Variants in TTC17 observed in about 807,000 individuals in gnomAD.
The protein encoded by TTC17 is tetratricopeptide repeat protein 17.
TTC17 carries 58 observed loss-of-function variants against 143.8 expected under a neutral mutation model. The observed-to-expected ratio is 0.40, with a 90% confidence interval of 0.33 to 0.50. The LOEUF (loss-of-function observed/expected upper bound fraction) is 0.50, where lower values mean the gene tolerates loss of function less well. TTC17 is among the 20% of genes least tolerant of loss of function. TTC17 has a pLI of 0.49. For synonymous variants in TTC17, 501 were observed against 497.8 expected (o/e 1.01, Z -0.09); for missense variants, 1,273 against 1,392.5 (o/e 0.91, Z 1.37).
intron 2 of TTC17, among the ~76,000 whole-genome samples, chr11:43,389,038 T>C (rs1159847121): frequency 3.3e-5 from 5 of 149,412 alleles, no homozygotes; most frequent in Non-Finnish European, 7.4e-5. Flanking sequence ...CTTGGGAGGC[T>C]GAGGTGAGAG....
intron 15 of TTC17, among the ~76,000 whole-genome samples, chr11:43,412,284 T>C (rs1383881304): frequency 1.3e-5 from 2 of 151,918 alleles, no homozygotes; most frequent in Non-Finnish European, 2.9e-5. Context: ...AGGAGCTCAG[T>C]ACCAGCCTGG....
chr11:43,485,089 A>G (rs1590506686), intron 21 of TTC17, among the ~76,000 whole-genome samples: 2 of 152,208 alleles, frequency 1.3e-5, no homozygotes, highest in Non-Finnish European at 1.5e-5. Context: ...CAGTGTAATA[A>G]TAATAGAAAT....
chr11:43,454,420 A>G (rs1292932170), intron 21 of TTC17, among the ~76,000 whole-genome samples: 2 of 152,188 alleles, frequency 1.3e-5, no homozygotes, highest in Non-Finnish European at 2.9e-5. Flanking sequence ...GATAGACAAT[A>G]TAGTAAAAGA....
chr11:43,484,579 T>A (rs1948347710), intron 21 of TTC17, among the ~76,000 whole-genome samples: 1 of 152,226 alleles, frequency 6.6e-6, no homozygotes, highest in Non-Finnish European at 1.5e-5. Context: ...CAGCAGGGTT[T>A]TTTTATGGCA....
intron 16 of TTC17, among the ~76,000 whole-genome samples, chr11:43,418,585 C>G (rs1946830089): frequency 6.6e-6 from 1 of 151,986 alleles, no homozygotes; most frequent in African/African-American, 2.4e-5. Flanking sequence ...AAAATAGAAT[C>G]TGTTAAATAA....
chr11:43,483,672 A>T (rs1335504926), intron 21 of TTC17, among the ~76,000 whole-genome samples: 1 of 152,218 alleles, frequency 6.6e-6, no homozygotes, highest in Non-Finnish European at 1.5e-5. Context: ...TTTATAATGT[A>T]AAACTTAGTA....
rs1314555717 is a variant in TTC17 at position 43,359,230 on chromosome 11, G to C, written c.159+117G>C. 9 of 1,311,466 alleles carry C rather than the reference G, an allele frequency of 6.9e-6. No homozygotes were observed. The Admixed American group carries it at 2.6e-4, about 39-fold the overall frequency. 81.2% of individuals were successfully genotyped at this position (1,311,466 alleles called of 1,614,324 possible). ...CCCGCCCCCAGCCTACCCTCACAGG[G>C]AGGTGGCACCGCGACCTCGGACTCC... is the stretch of plus-strand genomic sequence containing the variant. On this transcript the variant is annotated intron_variant, in intron 1 of 23. Coordinates refer to ENST00000039989, the MANE Select transcript of TTC17 (RefSeq NM_018259.6).
chr11:43,444,716 A>C (rs958405130), intron 18 of TTC17, among the ~76,000 whole-genome samples: 2 of 111,924 alleles, frequency 1.8e-5, no homozygotes, highest in African/African-American at 7.1e-5. Context: ...CAGTTCACCA[A>C]ATACATACAC....
chr11:43,461,166 G>C (rs1180378000), intron 21 of TTC17, among the ~76,000 whole-genome samples: 1 of 151,942 alleles, frequency 6.6e-6, no homozygotes. Flanking sequence ...GGGTGGATCA[G>C]GAGGTCAGGA....
intron 18 of TTC17, among the ~76,000 whole-genome samples, chr11:43,445,563 GA>G (rs1442736033): frequency 6.6e-6 from 1 of 152,150 alleles, no homozygotes; most frequent in African/African-American, 2.4e-5. Context: ...AACTAAAGCC[GA>G]ATATGGTTGA....
chr11:43,484,519 A>C (rs1222126471), intron 21 of TTC17, among the ~76,000 whole-genome samples: 2 of 152,222 alleles, frequency 1.3e-5, no homozygotes, highest in Non-Finnish European at 2.9e-5. Context: ...TAAACATGTC[A>C]GTTTTCCTCA....
intron 1 of TTC17, among the ~76,000 whole-genome samples, chr11:43,373,245 A>G (rs1856637339): frequency 6.6e-6 from 1 of 152,148 alleles, no homozygotes; most frequent in Non-Finnish European, 1.5e-5. Context: ...TGCCATGAAC[A>G]ACATAACTGC....
intron 2 of TTC17, among the ~76,000 whole-genome samples, chr11:43,381,228 A>G (rs893696031): frequency 6.6e-6 from 1 of 152,210 alleles, no homozygotes; most frequent in Non-Finnish European, 1.5e-5. Context: ...TCTGCTTCAT[A>G]TGCATAGCAG....
chr11:43,445,872 G>A (rs1345899119), intron 18 of TTC17: 3 of 795,442 alleles, frequency 3.8e-6, no homozygotes, highest in Non-Finnish European at 6.4e-6. Flanking sequence ...AAGAGCCATT[G>A]TAGATTTTCT....
rs1281197736 is a variant in TTC17, at chr11:43,444,148, A to G, written c.2604A>G (p.Gly868=). The G allele has an allele frequency of 2.5e-6, 4 of 1,613,336 alleles. No individual in the cohort carries two copies. Among genetic ancestry groups the G allele is most frequent in the African/African-American group, 1.3e-5 (1 of 74,894 alleles). The part of the protein sequence containing the change: ...KKVETGQIEN[G]HRYQANLEIT... ...TAGAAACAGGTCAGATAGAAAATGG[A>G]CATCGTTACCAAGCAAACCTAGAGA... The change falls in exon 18 of 24, where the codon GGA becomes GGG. Residue 868 remains glycine (G), a synonymous_variant. Coordinates refer to ENST00000039989, the MANE Select transcript of TTC17 (RefSeq NM_018259.6).
chr11:43,407,136 A>G lies in TTC17; in HGVS notation c.1762-2A>G. On this transcript the variant is annotated splice_acceptor_variant, in intron 13 of 23. Transcript: ENST00000039989. LOFTEE classifies it high-confidence loss of function. ...GAGTCAGTCTTCCTTTTGATGTTTC[A>G]GATTTTGCTTTCCCGTATTAATAAC... The G allele has an allele frequency of 1.3e-6, 2 of 1,565,618 alleles. No individual in the cohort carries two copies. Among genetic ancestry groups the G allele is most frequent in the East Asian group, 2.2e-5 (1 of 44,542 alleles).
chr11:43,397,242 T>C, intron 6 of TTC17, 105 bp from the exon 7 acceptor site: 1 of 1,259,748 alleles, frequency 7.9e-7, no homozygotes, highest in Admixed American at 2.3e-5. Flanking sequence ...ATTATCTTAT[T>C]TTCTCCACCT....
intron 1 of TTC17, among the ~76,000 whole-genome samples, chr11:43,366,572 C>G (rs895129499): frequency 7.2e-5 from 11 of 151,908 alleles, no homozygotes; most frequent in African/African-American, 2.7e-4. Flanking sequence ...TCCACCATGC[C>G]AGCATGGGAA....
intron 21 of TTC17, among the ~76,000 whole-genome samples, chr11:43,461,348 C>T (rs1412668613): frequency 7.6e-6 from 1 of 131,798 alleles, no homozygotes; most frequent in Non-Finnish European, 1.5e-5. Flanking sequence ...TGCGCCACTG[C>T]AGTCCGCAGT....
Sources: allele counts gnomAD v4.1 joint callset (sites outside exome capture counted in the v4.1 genomes callset), GRCh38; gene constraint gnomAD v4.1.1; transcripts MANE v1.5; gene names NCBI Gene and HGNC (gene_info 2026-07-23, HGNC 2026-07-21).